Variants in PHACTR2 observed in about 807,000 individuals in gnomAD.
PHACTR2 encodes phosphatase and actin regulator 2.
A neutral mutation model predicts 76.0 loss-of-function variants in PHACTR2; 30 were observed. The ratio of observed to expected loss-of-function variants is 0.39; its 90% CI spans 0.30 to 0.54. The LOEUF is 0.54. Among genes scored for constraint, PHACTR2 ranks in the 20% least tolerant of loss-of-function variants. PHACTR2 has a pLI of 0.61. For missense variants in PHACTR2, 696 were observed against 781.1 expected (o/e 0.89, Z 1.30); for synonymous variants, 292 against 292.5 (o/e 1.00, Z 0.02).
In PHACTR2 at chr6:143,543,669, A is replaced by G. The variant is rs1052862431; in HGVS notation, c.217+6462A>G. ...CAGTACATGTAAAAGGCCTGAAACA[A>G]ACTGGCATAATCAGAAAACACTCAG... is the stretch of plus-strand genomic sequence containing the variant. On this transcript the variant is annotated intron_variant, in intron 1 of 11. Coordinates refer to the PHACTR2 transcript ENST00000367584. The surrounding 1 kb of genome is among the most constrained non-coding windows in gnomAD (Gnocchi z 4.7). Among the ~76,000 whole-genome samples, 2 of 152,206 alleles carry G rather than the reference A, an allele frequency of 1.3e-5. No individual in the cohort carries two copies. The highest frequency in any genetic ancestry group is 4.8e-5 in the African/African-American group (2 of 41,436).
intron 12 of PHACTR2, among the ~76,000 whole-genome samples, chr6:143,813,836 A>G (rs1776238440): frequency 6.6e-6 from 1 of 152,144 alleles, no homozygotes; most frequent in Non-Finnish European, 1.5e-5. Context: ...ATATTCACAT[A>G]CAGTGACCCT....
chr6:143,562,100 T>C lies in PHACTR2; in HGVS notation c.217+24893T>C, dbSNP rs917471262. The C allele has an allele frequency of 1.6e-4, 25 of 152,312 alleles. No individual in the cohort carries two copies. Among genetic ancestry groups the C allele is most frequent in the Admixed American group, 1.6e-3 (25 of 15,282 alleles). The allele number at this position is 152,312 out of a possible 1,614,324, so 9.4% of individuals were successfully genotyped here. A position where few individuals can be genotyped will look rare whatever the true frequency, so the allele number is the denominator to read the frequency against. On this transcript the variant is annotated intron_variant, in intron 1 of 11. Transcript: ENST00000367584. This position sits in a 1 kb window ranked among gnomAD's most constrained non-coding sequence, Gnocchi z 5.1. ...GAAAACTCTCACCGCCAGCCAGAGT[T>C]CCTTGTTCTTCCCTTTGTGACCTCG...
At chr6:143,540,998 G>T (rs1471910997) in intron 1 of PHACTR2, among the ~76,000 whole-genome samples, 1 of 152,198 alleles carries the variant, frequency 6.6e-6, no homozygotes, top group African/African-American at 2.4e-5. Flanking sequence ...CAACCATAGT[G>T]CACTGCAGCC....
intron 1 of PHACTR2, among the ~76,000 whole-genome samples, chr6:143,560,699 G>A (rs997807994): frequency 1.3e-5 from 2 of 152,186 alleles, no homozygotes; most frequent in Admixed American, 1.3e-4. Flanking sequence ...AGGTCACCCA[G>A]AGGAGGTATT....
rs185680831 is a variant in PHACTR2, at chr6:143,811,163, C to T, written c.1922+4030C>T. On this transcript the variant is annotated intron_variant, in intron 12 of 12. Coordinates refer to ENST00000440869, the MANE Select transcript of PHACTR2 (RefSeq NM_001100164.2). The surrounding 1 kb of genome is among the most constrained non-coding windows in gnomAD (Gnocchi z 4.1). Reference sequence around the variant, plus strand: ...TGATTCAGAAAGTAAACTAACTTTACTTTTTTCTAAATCAGTAGTTGATTC... The same window carrying T: ...TGATTCAGAAAGTAAACTAACTTTATTTTTTTCTAAATCAGTAGTTGATTC... Among the ~76,000 whole-genome samples, 1 of 152,230 alleles carries T rather than the reference C, an allele frequency of 6.6e-6. No individual in the cohort carries two copies. The highest frequency in any genetic ancestry group is 1.9e-4 in the East Asian group (1 of 5,186).
chr6:143,804,127 A>C (rs1776016765), intron 11 of PHACTR2, among the ~76,000 whole-genome samples: 1 of 152,214 alleles, frequency 6.6e-6, no homozygotes, highest in Non-Finnish European at 1.5e-5. Flanking sequence ...GAATTTGGGA[A>C]GGGCTCGGCC....
At chr6:143,690,696 T>A (rs1008424062) in intron 1 of PHACTR2, among the ~76,000 whole-genome samples, 1 of 152,222 alleles carries the variant, frequency 6.6e-6, no homozygotes, top group African/African-American at 2.4e-5. Context: ...TTCAAAAGAC[T>A]TTCTTGGGTG....
At chr6:143,805,827 C>T (rs954031034) in intron 11 of PHACTR2, among the ~76,000 whole-genome samples, 1 of 152,134 alleles carries the variant, frequency 6.6e-6, no homozygotes, top group South Asian at 2.1e-4. Context: ...TTAAATATAG[C>T]ATTGAAAGGA....
At chr6:143,636,447 G>C (rs1776457112) in intron 1 of PHACTR2, among the ~76,000 whole-genome samples, 2 of 152,052 alleles carry the variant, frequency 1.3e-5, no homozygotes, top group Admixed American at 1.3e-4. Flanking sequence ...CATACACGTT[G>C]AGACCTATTT....
intron 1 of PHACTR2, among the ~76,000 whole-genome samples, chr6:143,701,139 T>A (rs946499297): frequency 6.6e-6 from 1 of 152,244 alleles, no homozygotes; most frequent in Non-Finnish European, 1.5e-5. Flanking sequence ...GGGATGTTGT[T>A]CATGTCAGTG....
chr6:143,820,067 C>T lies in PHACTR2; in HGVS notation c.1923-3607C>T, dbSNP rs1157099655. Among the ~76,000 whole-genome samples, 1 of 152,044 alleles carries T rather than the reference C, an allele frequency of 6.6e-6. No homozygotes were observed. The highest frequency in any genetic ancestry group is 1.5e-5 in the Non-Finnish European group (1 of 68,024). Reference sequence around the variant, plus strand: ...AAGTGCCCCACACTTTTAAACCAGACCTCGTGAGAAGTCACTCACCATCAC... The same window carrying T: ...AAGTGCCCCACACTTTTAAACCAGATCTCGTGAGAAGTCACTCACCATCAC... On this transcript the variant is annotated intron_variant, in intron 12 of 12. Transcript: ENST00000440869. This position sits in a 1 kb window ranked among gnomAD's most constrained non-coding sequence, Gnocchi z 4.2.
Position 143,709,800 on chromosome 6 carries a change from A to AG in PHACTR2, c.47-2212dup, listed in dbSNP as rs1778131698. On this transcript the variant is annotated intron_variant, in intron 1 of 12. Coordinates refer to ENST00000440869, the MANE Select transcript of PHACTR2 (RefSeq NM_001100164.2). This position sits in a 1 kb window ranked among gnomAD's most constrained non-coding sequence, Gnocchi z 4.4. ...TTTGGCCACCTCTGTATTAGGGGGA[A>AG]GGGGAGAGATACCCAGTTATTGCTG... Among the ~76,000 whole-genome samples the AG allele has an allele frequency of 6.6e-6, 1 of 152,078 alleles. No individual in the cohort carries two copies. Among genetic ancestry groups the AG allele is most frequent in the South Asian group, 2.1e-4 (1 of 4,826 alleles).
At position 143,586,997 on chromosome 6, in the gene PHACTR2, A is replaced by G. The variant is rs1413043880; in HGVS notation, c.217+49790A>G. The stretch of plus-strand genomic sequence containing the variant: ...AAATGGTTTGTGGCAGTGAACTATA[A>G]TGGATTAATTGTGTCGAAAGCCTGT... On this transcript the variant is annotated intron_variant, in intron 1 of 11. Coordinates refer to the PHACTR2 transcript ENST00000367584. Among the ~76,000 whole-genome samples, 4 of 152,200 alleles carry G rather than the reference A, an allele frequency of 2.6e-5. No individual in the cohort carries two copies. The South Asian group carries it at 8.3e-4, about 31-fold the overall frequency.
intron 1 of PHACTR2, among the ~76,000 whole-genome samples, chr6:143,573,909 G>T (rs1775476517): frequency 6.6e-6 from 1 of 152,114 alleles, no homozygotes; most frequent in Non-Finnish European, 1.5e-5. Context: ...TATGCTACCT[G>T]TTTTCGCTTT....
At chr6:143,687,925 T>A (rs1160389517) in intron 1 of PHACTR2, among the ~76,000 whole-genome samples, 2 of 152,170 alleles carry the variant, frequency 1.3e-5, no homozygotes, top group African/African-American at 4.8e-5. Context: ...AGTTATTATG[T>A]GTAAGGTGTT....
At position 143,828,709 on chromosome 6, in the gene PHACTR2, G is replaced by A. The variant is rs1168496824; in HGVS notation, c.*5020G>A. ...TGCACATATGAGCAAAGCACTGTTG[G>A]TCTGTGTTTCTCAGTGGGGGTACTC... On this transcript the variant is annotated 3_prime_UTR_variant, in exon 13 of 13. Coordinates refer to ENST00000440869, the MANE Select transcript of PHACTR2 (RefSeq NM_001100164.2). The surrounding 1 kb of genome is among the most constrained non-coding windows in gnomAD (Gnocchi z 4.7). 6.6e-6 allele frequency: 1 copy of A among 152,160 alleles called. No homozygotes were observed. Among genetic ancestry groups the A allele is most frequent in the Non-Finnish European group, 1.5e-5 (1 of 68,062 alleles). The allele number at this position is 152,160 out of a possible 1,614,324, so 9.4% of individuals were successfully genotyped here.
chr6:143,762,248 G>A (rs722755), intron 5 of PHACTR2, among the ~76,000 whole-genome samples: 9,033 of 152,266 alleles, frequency 0.059, 415 homozygotes, highest in Admixed American at 0.14. Context: ...CATTCTCCAC[G>A]TGGTAGTGGC....
intron 1 of PHACTR2, among the ~76,000 whole-genome samples, chr6:143,634,579 A>G (rs1306449229): frequency 6.6e-6 from 1 of 152,224 alleles, no homozygotes; most frequent in Non-Finnish European, 1.5e-5. Flanking sequence ...TTTACAACAA[A>G]GGAGTCTGAT....
chr6:143,583,560 C>T lies in PHACTR2; in HGVS notation c.217+46353C>T, dbSNP rs1775596878. ...ATGGTGCAGCAACAGAGCTGTACAA[C>T]ACCTTTGTCTTGCCTGGAAGGCAGT... is the stretch of plus-strand genomic sequence containing the variant. On this transcript the variant is annotated intron_variant, in intron 1 of 11. Coordinates refer to the PHACTR2 transcript ENST00000367584. The surrounding 1 kb of genome is among the most constrained non-coding windows in gnomAD (Gnocchi z 4.0). Among the ~76,000 whole-genome samples the T allele has an allele frequency of 6.6e-6, 1 of 152,250 alleles. No individual in the cohort carries two copies. Among genetic ancestry groups the T allele is most frequent in the Admixed American group, 6.5e-5 (1 of 15,290 alleles).
Sources: allele counts gnomAD v4.1 joint callset (sites outside exome capture counted in the v4.1 genomes callset), GRCh38; gene constraint gnomAD v4.1.1; non-coding constraint Gnocchi (gnomAD v3.1); transcripts MANE v1.5; gene names NCBI Gene and HGNC (gene_info 2026-07-23, HGNC 2026-07-21).